RAET1G: variants seen among roughly 807,000 people sequenced by gnomAD.
RAET1G encodes the protein retinoic acid early transcript 1G.
RAET1G carries 25 observed loss-of-function variants against 29.5 expected under a neutral mutation model. The observed-to-expected ratio is 0.85, with a 90% CI of 0.62 to 1.18. The LOEUF (loss-of-function observed/expected upper bound fraction) is 1.18, where lower values mean the gene tolerates loss of function less well. Among genes scored for constraint, RAET1G ranks in the 50% most tolerant of loss-of-function variants. The pLI is 0.00. For synonymous variants in RAET1G, 167 were observed against 159.5 expected, an observed-to-expected ratio of 1.05 and a Z score of -0.36; for missense variants, 434 against 423.6, an observed-to-expected ratio of 1.02 and a Z score of -0.22.
At chr6:149,922,256 G>T (rs557584074) in intron 1 of RAET1G, among the ~76,000 whole-genome samples, 261 of 152,304 alleles carry the variant, frequency 1.7e-3, no homozygotes, top group Non-Finnish European at 2.8e-3. Context: ...GAGGCAGAAG[G>T]TGTCACGTGG....
At chr6:149,922,402 G>C (rs1252468905) in intron 1 of RAET1G, among the ~76,000 whole-genome samples, 1 of 152,274 alleles carries the variant, frequency 6.6e-6, no homozygotes, top group Admixed American at 6.5e-5. Context: ...TGTCTGCTGA[G>C]CCGCTGGGTG....
chr6:149,919,896 G>C, intron 1 of RAET1G, 80 bp from the exon 2 acceptor site: 1 of 1,611,332 alleles, frequency 6.2e-7, no homozygotes, highest in Non-Finnish European at 8.5e-7. Context: ...GACAATAAGA[G>C]GAAGCCTCTG....
At position 149,919,606 on chromosome 6, in the gene RAET1G, T is replaced by A; in HGVS notation, c.296A>T (p.Asp99Val). Reference protein sequence around the residue: ...AQNPVLREVVDILTEQLLDIQ... With the variant: ...AQNPVLREVVVILTEQLLDIQ... Reference sequence around the variant, plus strand: ...GTCAAGCAGTTGCTCTGTAAGTATGTCCACCACCTCTCTCAGTACTGGGTT... The same window carrying A: ...GTCAAGCAGTTGCTCTGTAAGTATGACCACCACCTCTCTCAGTACTGGGTT... Residue 99 changes from aspartate (D) to valine (V), a missense_variant, in exon 2 of 5, where the codon GAC (aspartate) becomes GTC (valine). Coordinates refer to ENST00000367360, the MANE Select transcript of RAET1G (RefSeq NM_001001788.4). The A allele has an allele frequency of 6.2e-7, 1 of 1,614,050 alleles. No homozygotes were observed.
chr6:149,921,766 G>A (rs547791752), intron 1 of RAET1G, among the ~76,000 whole-genome samples: 225 of 152,098 alleles, frequency 1.5e-3, no homozygotes, highest in Non-Finnish European at 2.3e-3. Context: ...GAAGCCACAG[G>A]CAAGGTAGGA....
At position 149,918,278 on chromosome 6, in the gene RAET1G, A is replaced by G; in HGVS notation, c.738T>C (p.Ser246=). Residue 246 remains serine (S), a synonymous_variant, in exon 4 of 5, where the codon AGT becomes AGC. Transcript: ENST00000367360. ...GGTGGTGGCCATGGCTTTGGGTCAGACTGTGCCTGGAGCATATGAGGAGAC... is the reference window on the plus strand; with the variant it reads ...GGTGGTGGCCATGGCTTTGGGTCAGGCTGTGCCTGGAGCATATGAGGAGAC... ...IMCLLICSRH[S]LTQSHGHHPQ... 1.2e-6 allele frequency: 2 copies of G among 1,613,870 alleles called. No homozygotes were observed. The highest frequency in any genetic ancestry group is 1.7e-6 in the Non-Finnish European group (2 of 1,179,958).
At chr6:149,918,652 C>T (rs142912384) in intron 3 of RAET1G, 35 of 602,796 alleles carry the variant, frequency 5.8e-5, no homozygotes, top group Middle Eastern at 4.4e-4. Context: ...CTCCAGGGTG[C>T]GGGAGGGGAG....
Position 149,923,080 on chromosome 6 carries a change from T to TGTCTGAAGGCAGCCC in RAET1G, c.-71_-70insGGGCTGCCTTCAGAC. ...GTGGATCACCTGGCGGCTCGCAGGCTGTCTGAATGCAGCCCGTCTGAATGC... is the reference window on the plus strand; with the variant it reads ...GTGGATCACCTGGCGGCTCGCAGGCTGTCTGAAGGCAGCCCGTCTGAATGCAGCCCGTCTGAATGC... On this transcript the variant is annotated 5_prime_UTR_variant, in exon 1 of 5. Coordinates refer to ENST00000367360, the MANE Select transcript of RAET1G (RefSeq NM_001001788.4). The TGTCTGAAGGCAGCCC allele has an allele frequency of 1.9e-6, 2 of 1,066,504 alleles. No homozygotes were observed. Among genetic ancestry groups the TGTCTGAAGGCAGCCC allele is most frequent in the Non-Finnish European group, 2.7e-6 (2 of 729,422 alleles). 66.1% of individuals were successfully genotyped at this position (1,066,504 alleles called of 1,614,324 possible).
At position 149,918,495 on chromosome 6, in the gene RAET1G, C is replaced by G. The variant is rs934932860; in HGVS notation, c.632-111G>C. 6 of 1,266,060 alleles carry G rather than the reference C, an allele frequency of 4.7e-6. No homozygotes were observed. In the African/African-American group the frequency reaches 7.4e-5, roughly 16 times the overall value. The allele number at this position is 1,266,060 out of a possible 1,614,324, so 78.4% of individuals were successfully genotyped here. Reference sequence around the variant, plus strand: ...TCCTGGAAGGCAGAGGTTTTGTCCCCTCTGCTATGGGGCAGCCCCTGGGAG... The same window carrying G: ...TCCTGGAAGGCAGAGGTTTTGTCCCGTCTGCTATGGGGCAGCCCCTGGGAG... On this transcript the variant is annotated intron_variant, in intron 3 of 4. Coordinates refer to ENST00000367360, the MANE Select transcript of RAET1G (RefSeq NM_001001788.4).
intron 1 of RAET1G, among the ~76,000 whole-genome samples, chr6:149,920,530 T>C (rs984662921): frequency 1.3e-5 from 2 of 152,104 alleles, no homozygotes; most frequent in African/African-American, 2.4e-5. Flanking sequence ...TTACCTGGCA[T>C]ATAAAGAAGG....
At chr6:149,918,531 G>A in intron 3 of RAET1G, 147 bp from the exon 4 acceptor site, 2 of 968,548 alleles carry the variant, frequency 2.1e-6, no homozygotes, top group Admixed American at 2.1e-5. Context: ...AGTTCCTGGG[G>A]TAGGAAGGGA....
At chr6:149,920,899 G>C (rs1778586231) in intron 1 of RAET1G, among the ~76,000 whole-genome samples, 1 of 152,210 alleles carries the variant, frequency 6.6e-6, no homozygotes, top group Admixed American at 6.5e-5. Context: ...TGACCAGGAG[G>C]CTGAAAGTAG....
chr6:149,917,005 G>A lies in RAET1G; in HGVS notation c.912C>T (p.Asp304=), dbSNP rs560309852. The A allele has an allele frequency of 4.6e-5, 71 of 1,550,524 alleles. No individual in the cohort carries two copies. Among genetic ancestry groups the A allele is most frequent in the Middle Eastern group, 1.7e-4 (1 of 5,944 alleles). ...GAGGGCAGGGTAAGGAGTGTGAGTC[G>A]TCTCCAATGATAGGTAAAGTCACGC... ...VTRVTLPIIG[D]DSHSLPCPLA... The change falls in exon 5 of 5, where the codon GAC becomes GAT. Residue 304 remains aspartate (D), a synonymous_variant. Transcript: ENST00000367360.
chr6:149,919,471 T>G, intron 2 of RAET1G, 82 bp downstream of exon 2: 2 of 1,613,096 alleles, frequency 1.2e-6, no homozygotes, highest in Non-Finnish European at 1.7e-6. Context: ...CCTTCCTATT[T>G]GTATTTTTAC....
intron 1 of RAET1G, among the ~76,000 whole-genome samples, chr6:149,920,800 G>A (rs1261156207): frequency 6.6e-6 from 1 of 152,168 alleles, no homozygotes; most frequent in East Asian, 1.9e-4. Flanking sequence ...TAGAACAAAG[G>A]GGTCCAAGAT....
At chr6:149,919,852 G>A in intron 1 of RAET1G, 36 bp from the exon 2 acceptor site, 1 of 1,612,004 alleles carries the variant, frequency 6.2e-7, no homozygotes, top group South Asian at 1.1e-5. Flanking sequence ...GGGTGGGGAG[G>A]AAAAGACCCC....
Position 149,917,080 on chromosome 6 carries a change from G to A in RAET1G, c.843-6C>T. On this transcript the variant is annotated splice_region_variant and splice_polypyrimidine_tract_variant and intron_variant, in intron 4 of 4. Coordinates refer to ENST00000367360, the MANE Select transcript of RAET1G (RefSeq NM_001001788.4). Reference sequence around the variant, plus strand: ...GGCGCTTCGCTATTTGGTAGCTGAGGCGGAGAGAGAGAGGACAGCTTACGT... The same window carrying A: ...GGCGCTTCGCTATTTGGTAGCTGAGACGGAGAGAGAGAGGACAGCTTACGT... The A allele has an allele frequency of 4.5e-6, 7 of 1,542,952 alleles. No individual in the cohort carries two copies. The highest frequency in any genetic ancestry group is 5.2e-6 in the Non-Finnish European group (6 of 1,143,156).
intron 1 of RAET1G, 147 bp from the exon 2 acceptor site, chr6:149,919,963 A>T: frequency 1.9e-6 from 3 of 1,543,558 alleles, no homozygotes; most frequent in Admixed American, 2.0e-5. Context: ...TGTCCACAAG[A>T]TTAAGGCGAG....
At chr6:149,921,520 G>T (rs1778600901) in intron 1 of RAET1G, among the ~76,000 whole-genome samples, 1 of 152,214 alleles carries the variant, frequency 6.6e-6, no homozygotes, top group African/African-American at 2.4e-5. Context: ...AGACACAGGT[G>T]GTTCTCCTGG....
At chr6:149,920,889 T>G (rs6915465) in intron 1 of RAET1G, among the ~76,000 whole-genome samples, 21,836 of 152,012 alleles carry the variant, frequency 0.14, 2,079 homozygotes, top group East Asian at 0.54. Context: ...AAATGATGGA[T>G]GACCAGGAGG....
Sources: allele counts gnomAD v4.1 joint callset (sites outside exome capture counted in the v4.1 genomes callset), GRCh38; gene constraint gnomAD v4.1.1; transcripts MANE v1.5; gene names NCBI Gene and HGNC (gene_info 2026-07-23, HGNC 2026-07-21).